DYM: variants seen among roughly 807,000 people sequenced by gnomAD.
DYM encodes the protein dyggve-Melchior-Clausen syndrome protein.
DYM carries 78 observed loss-of-function variants against 93.1 expected under a neutral mutation model. That is an observed-to-expected ratio of 0.84 (90% CI 0.70 to 1.01). The LOEUF (loss-of-function observed/expected upper bound fraction) is 1.01. DYM is among the 50% of genes least tolerant of loss of function. DYM has a pLI of 0.00. For missense variants in DYM, 789 were observed against 845.0 expected, an observed-to-expected ratio of 0.93 and a Z score of 0.82; for synonymous variants, 321 against 319.7, an observed-to-expected ratio of 1.00 and a Z score of -0.04.
intron 14 of DYM, chr18:49,208,928 A>C (rs2092653432): frequency 1.3e-5 from 2 of 152,168 alleles, no homozygotes; most frequent in African/African-American, 4.8e-5. Flanking sequence ...ATTTTCTCTG[A>C]TATTCGAGAT....
At chr18:49,129,293 C>A (rs971431785) in intron 15 of DYM, among the ~76,000 whole-genome samples, 1 of 152,070 alleles carries the variant, frequency 6.6e-6, no homozygotes. Flanking sequence ...TTGTAAGGAA[C>A]CTGGACTTCA....
intron 2 of DYM, among the ~76,000 whole-genome samples, chr18:49,418,928 T>C (rs575161899): frequency 6.6e-6 from 1 of 152,144 alleles, no homozygotes; most frequent in African/African-American, 2.4e-5. Context: ...TCATGTAAAC[T>C]CACTTGTGGC....
At chr18:49,298,732 A>G (rs928402883) in intron 8 of DYM, among the ~76,000 whole-genome samples, 7 of 152,206 alleles carry the variant, frequency 4.6e-5, no homozygotes, top group Non-Finnish European at 1.0e-4. Flanking sequence ...GAAATATTTC[A>G]GTAATTATGA....
At chr18:49,077,005 CAGG>C (rs904661805) in intron 17 of DYM, among the ~76,000 whole-genome samples, 112 of 152,310 alleles carry the variant, frequency 7.4e-4, no homozygotes, top group African/African-American at 2.5e-3. Flanking sequence ...GGGAGCTTCA[CAGG>C]AGGACTTTTT....
Position 49,292,311 on chromosome 18 carries a change from G to GGC in DYM, c.764-5696_764-5695insGC, listed in dbSNP as rs372181485. Among the ~76,000 whole-genome samples, 225 of 94,962 alleles carry GGC rather than the reference G, an allele frequency of 2.4e-3. 4 individuals carry two copies. The highest frequency in any genetic ancestry group is 6.8e-3 in the African/African-American group (211 of 30,922). The allele number at this position is 94,962 out of a possible 152,430, so 62.3% of individuals were successfully genotyped here. A position where few individuals can be genotyped will look rare whatever the true frequency, so the allele number is the denominator to read the frequency against. On this transcript the variant is annotated intron_variant, in intron 8 of 17. Coordinates refer to ENST00000675505, the MANE Select transcript of DYM (RefSeq NM_001353214.3). ...ATCCACCAACACAGACAGACAGACAGACAGGCAGGCAGGCAGGCAGGCAGG... is the reference window on the plus strand; with the variant it reads ...ATCCACCAACACAGACAGACAGACAGGCACAGGCAGGCAGGCAGGCAGGCAGG...
At chr18:49,045,322 G>C (rs1258170952) in intron 17 of DYM, among the ~76,000 whole-genome samples, 1 of 152,214 alleles carries the variant, frequency 6.6e-6, no homozygotes, top group Admixed American at 6.5e-5. Context: ...GTTTTGTCAG[G>C]TGCTGCATCC....
chr18:49,109,773 A>C (rs2081217155), intron 16 of DYM, among the ~76,000 whole-genome samples: 1 of 152,236 alleles, frequency 6.6e-6, no homozygotes, highest in South Asian at 2.1e-4. Flanking sequence ...GTGGTCAGTA[A>C]CCATGCCTAT....
intron 9 of DYM, 25 bp downstream of exon 9, chr18:49,286,409 A>C: frequency 6.2e-7 from 1 of 1,612,122 alleles, no homozygotes; most frequent in Non-Finnish European, 8.5e-7. Context: ...ATTACAAAGA[A>C]TATTAGAGAA....
intron 11 of DYM, among the ~76,000 whole-genome samples, chr18:49,262,783 T>C (rs967506024): frequency 1.2e-4 from 18 of 152,318 alleles, no homozygotes; most frequent in Non-Finnish European, 2.4e-4. Context: ...GTCACCTCTA[T>C]ATCCAAGTCT....
chr18:49,289,790 C>CATATATATATAT (rs2059985931), intron 8 of DYM, among the ~76,000 whole-genome samples: 3 of 35,726 alleles, frequency 8.4e-5, no homozygotes, highest in African/African-American at 3.9e-4. Flanking sequence ...TATATATATA[C>CATATATATATAT]ACACATATAT....
chr18:49,432,198 G>A (rs1242100344), intron 1 of DYM, among the ~76,000 whole-genome samples: 1 of 151,984 alleles, frequency 6.6e-6, no homozygotes, highest in African/African-American at 2.4e-5. Context: ...TGGCATGGTG[G>A]TGCATGCCTG....
At chr18:49,093,329 C>T (rs530850652) in intron 17 of DYM, 1 of 152,454 alleles carries the variant, frequency 6.6e-6, no homozygotes, top group African/African-American at 2.4e-5. Context: ...CGTTGGAGCA[C>T]AGGATCCGTA....
At chr18:49,054,605 A>C (rs971288477) in intron 17 of DYM, among the ~76,000 whole-genome samples, 1 of 152,234 alleles carries the variant, frequency 6.6e-6, no homozygotes, top group Admixed American at 6.5e-5. Context: ...CAAGTTAAGA[A>C]ACACAAAGTT....
At chr18:49,084,074 T>C (rs1206194883) in intron 17 of DYM, among the ~76,000 whole-genome samples, 1 of 152,200 alleles carries the variant, frequency 6.6e-6, no homozygotes, top group African/African-American at 2.4e-5. Flanking sequence ...GGTAGAAGCT[T>C]AGATTATCTG....
At chr18:49,458,831 T>C (rs2148770736) in intron 1 of DYM, among the ~76,000 whole-genome samples, 1 of 152,304 alleles carries the variant, frequency 6.6e-6, no homozygotes, top group Middle Eastern at 3.4e-3. Flanking sequence ...AGAGCGAGAC[T>C]CTGCCTCCCA....
chr18:49,432,875 C>T (rs2080466877), intron 1 of DYM, among the ~76,000 whole-genome samples: 1 of 152,116 alleles, frequency 6.6e-6, no homozygotes, highest in Admixed American at 6.5e-5. Flanking sequence ...GCTGACATTA[C>T]AAGCATGAGC....
intron 15 of DYM, among the ~76,000 whole-genome samples, chr18:49,132,862 G>A (rs1409142242): frequency 6.6e-6 from 1 of 152,144 alleles, no homozygotes; most frequent in African/African-American, 2.4e-5. Flanking sequence ...AAAGGAATTA[G>A]GGAAAAGTCA....
At chr18:49,087,014 T>C (rs2078601755) in intron 17 of DYM, among the ~76,000 whole-genome samples, 2 of 150,916 alleles carry the variant, frequency 1.3e-5, no homozygotes. Context: ...AAAAAATACA[T>C]AAAAATAAAA....
intron 16 of DYM, among the ~76,000 whole-genome samples, chr18:49,097,871 T>C (rs2079705680): frequency 2.1e-5 from 2 of 93,622 alleles, no homozygotes; most frequent in African/African-American, 7.9e-5. Flanking sequence ...AAGCTTAATA[T>C]TAGCTCTCTC....
Sources: gnomAD v4.1 joint callset for allele counts (sites outside exome capture counted in the v4.1 genomes callset) on GRCh38, gnomAD v4.1.1 for gene constraint, MANE v1.5 for transcripts, NCBI Gene and HGNC (gene_info 2026-07-23, HGNC 2026-07-21) for gene names.